PRR5L: variants seen among roughly 807,000 people sequenced by gnomAD.
The protein encoded by PRR5L is proline rich 5 like, also known as proline-rich protein 5-like.
Under a neutral mutation model 36.4 loss-of-function variants are expected in PRR5L, and 21 were observed. The ratio of observed to expected loss-of-function variants is 0.58; its 90% CI spans 0.41 to 0.83. The LOEUF is 0.83. PRR5L is among the 40% of genes least tolerant of loss of function. PRR5L has a pLI of 0.00. For synonymous variants in PRR5L, 188 were observed against 197.0 expected (o/e 0.95, Z 0.38); for missense variants, 381 against 473.3 (o/e 0.80, Z 1.81).
At chr11:36,366,221 A>G (rs1857142395) in intron 1 of PRR5L, among the ~76,000 whole-genome samples, 1 of 152,142 alleles carries the variant, frequency 6.6e-6, no homozygotes. Flanking sequence ...CAACTTCTTC[A>G]TCTATAAAAT....
At chr11:36,373,468 G>A (rs189814076) in intron 1 of PRR5L, among the ~76,000 whole-genome samples, 9 of 152,082 alleles carry the variant, frequency 5.9e-5, no homozygotes, top group African/African-American at 1.2e-4. Context: ...CTGGCTTGGC[G>A]TGGTGGCTGT....
At chr11:36,428,767 T>C (rs1029486898) in intron 4 of PRR5L, among the ~76,000 whole-genome samples, 1 of 152,156 alleles carries the variant, frequency 6.6e-6, no homozygotes, top group Admixed American at 6.5e-5. Flanking sequence ...TATAAGGATT[T>C]TCAAGATGCC....
intron 1 of PRR5L, among the ~76,000 whole-genome samples, chr11:36,372,734 G>C (rs1427219451): frequency 6.6e-6 from 1 of 152,168 alleles, no homozygotes; most frequent in Non-Finnish European, 1.5e-5. Context: ...CAGAGTGCAG[G>C]TCTGCAGCAA....
At chr11:36,393,200 T>C (rs1474312498) in intron 1 of PRR5L, among the ~76,000 whole-genome samples, 2 of 152,210 alleles carry the variant, frequency 1.3e-5, no homozygotes, top group Non-Finnish European at 2.9e-5. Flanking sequence ...ATCTCATTTG[T>C]CCATTTTTGC....
intron 6 of PRR5L, among the ~76,000 whole-genome samples, chr11:36,444,892 C>T (rs1198598701): frequency 2.0e-5 from 3 of 152,222 alleles, no homozygotes; most frequent in Non-Finnish European, 4.4e-5. Context: ...CTGCCTAATG[C>T]TGGCTCTCTC....
At chr11:36,454,100 G>T (rs368458679) in intron 8 of PRR5L, 10 of 152,284 alleles carry the variant, frequency 6.6e-5, no homozygotes, top group Non-Finnish European at 1.5e-4. Flanking sequence ...AGCAAGTGAG[G>T]ATTAAGGTAA....
chr11:36,338,819 T>C (rs1856792197), intron 1 of PRR5L, among the ~76,000 whole-genome samples: 1 of 152,098 alleles, frequency 6.6e-6, no homozygotes, highest in Non-Finnish European at 1.5e-5. Flanking sequence ...CTCCGTGGTA[T>C]GGTTTGGCTG....
chr11:36,330,887 C>A (rs1170698719), intron 1 of PRR5L, among the ~76,000 whole-genome samples: 3 of 151,000 alleles, frequency 2.0e-5, no homozygotes, highest in African/African-American at 7.3e-5. Flanking sequence ...CTCATTGCAA[C>A]CTTCACCTCC....
Position 36,401,304 on chromosome 11 carries a change from T to G in PRR5L, c.164+19T>G. The G allele has an allele frequency of 6.2e-7, 1 of 1,606,234 alleles. No homozygotes were observed. Among genetic ancestry groups the G allele is most frequent in the Non-Finnish European group, 8.5e-7 (1 of 1,179,230 alleles). On this transcript the variant is annotated intron_variant, in intron 2 of 8. Coordinates refer to ENST00000530639, the MANE Select transcript of PRR5L (RefSeq NM_001160167.2). ...GGAACAGGTGAAGGAGGCTGCAGGATGTGGGGTGGAGGGCTGCCAAGGGCC... is the reference window on the plus strand; with the variant it reads ...GGAACAGGTGAAGGAGGCTGCAGGAGGTGGGGTGGAGGGCTGCCAAGGGCC...
rs556366194 is a variant in PRR5L at position 36,380,244 on chromosome 11, C to T, written c.-125-20753C>T. ...ATGCCACAGAAGAAGGAAAGTCAGG[C>T]GCTGTGGATATTGTGAATATAGAGA... On this transcript the variant is annotated intron_variant, in intron 1 of 8. Transcript: ENST00000530639. Among the ~76,000 whole-genome samples the T allele has an allele frequency of 7.2e-5, 11 of 152,232 alleles. No individual in the cohort carries two copies. The East Asian group carries it at 1.7e-3, about 24-fold the overall frequency.
At chr11:36,350,573 G>C (rs1473010220) in intron 1 of PRR5L, among the ~76,000 whole-genome samples, 1 of 151,848 alleles carries the variant, frequency 6.6e-6, no homozygotes, top group Non-Finnish European at 1.5e-5. Flanking sequence ...TTGGGGAACA[G>C]GTCGTGTTTG....
chr11:36,334,709 G>A (rs11033559), intron 1 of PRR5L, among the ~76,000 whole-genome samples: 48,572 of 152,012 alleles, frequency 0.32, 8,434 homozygotes, highest in East Asian at 0.72. Flanking sequence ...TTATATTTGT[G>A]TGGTAATTTG....
At chr11:36,442,990 T>C (rs1285759152) in intron 6 of PRR5L, among the ~76,000 whole-genome samples, 1 of 152,210 alleles carries the variant, frequency 6.6e-6, no homozygotes, top group Admixed American at 6.5e-5. Context: ...GGTATCTTCA[T>C]AGCAACATTC....
At position 36,397,396 on chromosome 11, in the gene PRR5L, A is replaced by G. The variant is rs566762080; in HGVS notation, c.-125-3601A>G. 5.0e-4 allele frequency among the ~76,000 whole-genome samples: 58 copies of G among 116,606 alleles called. 1 individual carries two copies. Among genetic ancestry groups the G allele is most frequent in the Admixed American group, 4.1e-3 (43 of 10,614 alleles). 76.5% of individuals were successfully genotyped at this position (116,606 alleles called of 152,430 possible). On this transcript the variant is annotated intron_variant, in intron 1 of 8. Transcript: ENST00000530639. The stretch of plus-strand genomic sequence containing the variant: ...TATTTTGTGAGGGTTGAGTAAGTTT[A>G]TGTATTGTGACAATGCTTGGCTTCA...
chr11:36,378,682 A>C (rs912302038), intron 1 of PRR5L, among the ~76,000 whole-genome samples: 3 of 152,224 alleles, frequency 2.0e-5, no homozygotes, highest in Non-Finnish European at 4.4e-5. Flanking sequence ...TTAGAACATT[A>C]CAAATATGTG....
At chr11:36,389,131 C>A (rs528146489) in intron 1 of PRR5L, among the ~76,000 whole-genome samples, 37 of 152,236 alleles carry the variant, frequency 2.4e-4, no homozygotes, top group Non-Finnish European at 4.1e-4. Flanking sequence ...GCAGTAAAAA[C>A]CCATGTTACA....
At chr11:36,315,127 G>A (rs189901272) in intron 1 of PRR5L, among the ~76,000 whole-genome samples, 24 of 152,268 alleles carry the variant, frequency 1.6e-4, no homozygotes, top group Admixed American at 1.2e-3. Flanking sequence ...TATCTAGACG[G>A]CACTAGGAAC....
At chr11:36,317,036 C>T (rs1451437639) in intron 1 of PRR5L, among the ~76,000 whole-genome samples, 1 of 152,210 alleles carries the variant, frequency 6.6e-6, no homozygotes, top group Non-Finnish European at 1.5e-5. Flanking sequence ...TGGCTTCACT[C>T]CTAGTCTAGA....
intron 1 of PRR5L, among the ~76,000 whole-genome samples, chr11:36,368,206 G>A (rs543643387): frequency 6.6e-6 from 1 of 152,128 alleles, no homozygotes; most frequent in South Asian, 2.1e-4. Context: ...ACATCTAAGA[G>A]AGTGATCATA....
Sources: gnomAD v4.1 joint callset for allele counts (sites outside exome capture counted in the v4.1 genomes callset) on GRCh38, gnomAD v4.1.1 for gene constraint, MANE v1.5 for transcripts, NCBI Gene and HGNC (gene_info 2026-07-23, HGNC 2026-07-21) for gene names.